Variants in MIS18A observed in about 807,000 individuals in gnomAD.
The protein encoded by MIS18A is protein Mis18-alpha.
In MIS18A, 14 loss-of-function variants were observed where a neutral mutation model predicts 25.0. The ratio of observed to expected loss-of-function variants is 0.56; its 90% CI spans 0.37 to 0.88. The LOEUF (loss-of-function observed/expected upper bound fraction) is 0.88. Among genes scored for constraint, MIS18A ranks in the 40% least tolerant of loss-of-function variants. The pLI is 0.00. For missense variants in MIS18A, 292 were observed against 290.8 expected, an observed-to-expected ratio of 1.00 and a Z score of -0.03; for synonymous variants, 134 against 118.6, an observed-to-expected ratio of 1.13 and a Z score of -0.84.
the MIS18A span, among the ~76,000 whole-genome samples, chr21:32,206,657 G>A: frequency 6.6e-6 from 1 of 152,324 alleles, no homozygotes; most frequent in South Asian, 2.1e-4. Flanking sequence ...ACCGTAACGG[G>A]AGATGGGCAG....
In MIS18A at chr21:32,278,998, G is replaced by A. The variant is rs1459259477; in HGVS notation, c.17C>T (p.Ser6Leu). 2.7e-5 allele frequency: 43 copies of A among 1,600,012 alleles called. No homozygotes were observed. Among genetic ancestry groups the A allele is most frequent in the African/African-American group, 8.0e-5 (6 of 74,746 alleles). ...AGCGCATCCTCTGCTACACCTCAGT[G>A]ACCGAACGCCTGCCATTACCTACAA... MAGVR[S>L]LRCSRGCAGG... is the part of the protein sequence containing the mutation. The change falls in exon 1 of 5, where the codon TCA becomes TTA. Residue 6 changes from serine (S) to leucine (L), a missense_variant. Physicochemically the swap from Ser to Leu is moderately radical, Grantham distance 145. Transcript: ENST00000290130.
the MIS18A span, among the ~76,000 whole-genome samples, chr21:32,249,695 T>G: frequency 6.6e-6 from 1 of 152,086 alleles, no homozygotes; most frequent in Non-Finnish European, 1.5e-5. Context: ...TCAGGAAGCT[T>G]CCACACATAG....
At position 32,270,388 on chromosome 21, in the gene MIS18A, AT is replaced by A. The variant is rs761641310; in HGVS notation, c.524+18del. On this transcript the variant is annotated intron_variant, in intron 3 of 4. Coordinates refer to ENST00000290130, the MANE Select transcript of MIS18A (RefSeq NM_018944.3). Reference sequence around the variant, plus strand: ...CTGAAACACCAGTTGTGAGGTAAACATTTATATATCAAACTTACCTTTCAAT... The same window carrying A: ...CTGAAACACCAGTTGTGAGGTAAACATTATATATCAAACTTACCTTTCAAT... 6.2e-7 allele frequency: 1 copy of A among 1,613,560 alleles called. No individual in the cohort carries two copies. The highest frequency in any genetic ancestry group is 8.5e-7 in the Non-Finnish European group (1 of 1,179,798).
At position 32,269,000 on chromosome 21, in the gene MIS18A, G is replaced by T; in HGVS notation, c.*37C>A. 1 of 1,407,404 alleles carries T rather than the reference G, an allele frequency of 7.1e-7. No homozygotes were observed. The allele number at this position is 1,407,404 out of a possible 1,614,324, so 87.2% of individuals were successfully genotyped here. ...TGCTTCATTTAACAAATAAGGGGAG[G>T]AAGGGCGGGGGCAGAATGGAGGACA... On this transcript the variant is annotated 3_prime_UTR_variant, in exon 5 of 5. Transcript: ENST00000290130.
At chr21:32,214,330 T>C in the MIS18A span, among the ~76,000 whole-genome samples, 4 of 152,138 alleles carry the variant, frequency 2.6e-5, no homozygotes, top group African/African-American at 7.2e-5. Context: ...AGAGAGTGCA[T>C]TGGACCTAGA....
At chr21:32,202,943 A>T in the MIS18A span, among the ~76,000 whole-genome samples, 1 of 152,224 alleles carries the variant, frequency 6.6e-6, no homozygotes, top group Non-Finnish European at 1.5e-5. Context: ...GAACTTGACT[A>T]TACAAATATT....
the MIS18A span, among the ~76,000 whole-genome samples, chr21:32,235,560 G>A: frequency 6.6e-6 from 1 of 152,154 alleles, no homozygotes; most frequent in Non-Finnish European, 1.5e-5. Flanking sequence ...TGACACATGA[G>A]GTGAAACCTA....
At chr21:32,226,389 A>C in the MIS18A span, among the ~76,000 whole-genome samples, 1 of 152,226 alleles carries the variant, frequency 6.6e-6, no homozygotes, top group Non-Finnish European at 1.5e-5. Flanking sequence ...AAATAGGTTG[A>C]AAATAAAAGG....
the MIS18A span, among the ~76,000 whole-genome samples, chr21:32,202,433 A>G: frequency 6.6e-6 from 1 of 152,242 alleles, no homozygotes; most frequent in Non-Finnish European, 1.5e-5. Context: ...ATGTAAAACA[A>G]TTAGAAAATA....
intron 1 of MIS18A, among the ~76,000 whole-genome samples, chr21:32,275,263 C>T (rs753501180): frequency 6.8e-4 from 103 of 152,196 alleles, no homozygotes; most frequent in Non-Finnish European, 1.2e-3. Context: ...TTATTTCCTC[C>T]CTTTCCCTGA....
At chr21:32,239,617 C>T in the MIS18A span, among the ~76,000 whole-genome samples, 1 of 152,090 alleles carries the variant, frequency 6.6e-6, no homozygotes, top group Non-Finnish European at 1.5e-5. Flanking sequence ...ATGTGCGAGC[C>T]GCCTCGGAAG....
chr21:32,244,292 A>AT, the MIS18A span, among the ~76,000 whole-genome samples: 30 of 147,416 alleles, frequency 2.0e-4, no homozygotes, highest in South Asian at 4.3e-4. Context: ...GCACACGGGA[A>AT]TTTTTTTTTT....
rs573480187 is a variant in MIS18A at position 32,270,528 on chromosome 21, C to A, written c.403G>T (p.Val135Phe). 6.5e-7 allele frequency: 1 copy of A among 1,547,524 alleles called. No homozygotes were observed. Among genetic ancestry groups the A allele is most frequent in the East Asian group, 2.3e-5 (1 of 42,946 alleles). ...CCCGCGCAGCACAAAGTCTCAAGGACGCTGCAATAAAGAAATGTCTTGCTT... is the reference window on the plus strand; with the variant it reads ...CCCGCGCAGCACAAAGTCTCAAGGAAGCTGCAATAAAGAAATGTCTTGCTT... Reference protein sequence around the residue: ...LSKREKENGCVLETLCCAGCS... With the variant: ...LSKREKENGCFLETLCCAGCS... The change falls in exon 3 of 5, where the codon GTC becomes TTC. Residue 135 changes from valine to phenylalanine, a missense_variant and splice_region_variant. By Grantham distance (50) the Val-to-Phe change is conservative. Transcript: ENST00000290130.
the MIS18A span, among the ~76,000 whole-genome samples, chr21:32,177,118 T>C: frequency 6.6e-6 from 1 of 152,300 alleles, no homozygotes; most frequent in South Asian, 2.1e-4. Flanking sequence ...CGTGATCAAG[T>C]GGGTTTATTC....
the MIS18A span, chr21:32,260,084 C>CTTTTTTTTTTTTTTTTTTTTTTTTTTT: frequency 5.7e-4 from 67 of 116,948 alleles, 2 homozygotes; most frequent in African/African-American, 1.4e-3. Flanking sequence ...TTTTTCTCAG[C>CTTTTTTTTTTTTTTTTTTTTTTTTTTT]TTTTTTTTTT....
At chr21:32,171,328 T>C in the MIS18A span, among the ~76,000 whole-genome samples, 2 of 152,070 alleles carry the variant, frequency 1.3e-5, no homozygotes, top group South Asian at 4.1e-4. Context: ...TATACAAAAT[T>C]CAATTGTAGT....
intron 2 of MIS18A, among the ~76,000 whole-genome samples, chr21:32,273,873 A>T (rs955524951): frequency 6.6e-6 from 1 of 152,344 alleles, no homozygotes; most frequent in African/African-American, 2.4e-5. Context: ...ACGCAAGTGT[A>T]AGATACAGTT....
At chr21:32,251,429 C>G in the MIS18A span, among the ~76,000 whole-genome samples, 1 of 152,100 alleles carries the variant, frequency 6.6e-6, no homozygotes, top group Non-Finnish European at 1.5e-5. Context: ...CCCACACTCT[C>G]CCTCTTCAGG....
the MIS18A span, among the ~76,000 whole-genome samples, chr21:32,190,159 C>T: frequency 6.6e-6 from 1 of 152,166 alleles, no homozygotes; most frequent in South Asian, 2.1e-4. Flanking sequence ...TTATTTTCAC[C>T]TTCTTCCTCT....
Sources: gnomAD v4.1 joint callset for allele counts (sites outside exome capture counted in the v4.1 genomes callset) on GRCh38, gnomAD v4.1.1 for gene constraint, MANE v1.5 for transcripts, NCBI Gene and HGNC (gene_info 2026-07-23, HGNC 2026-07-21) for gene names.